Variants in HRC observed in about 807,000 individuals in gnomAD.
HRC encodes the protein sarcoplasmic reticulum histidine-rich calcium-binding protein.
In HRC, 41 loss-of-function variants were observed where a neutral mutation model predicts 61.4. The observed-to-expected ratio is 0.67, with a 90% CI of 0.52 to 0.87. HRC has a LOEUF of 0.87. Ranked by LOEUF, HRC falls within the 40% of genes least tolerant of loss-of-function variation. The pLI is 0.00. For synonymous variants in HRC, 308 were observed against 326.6 expected (o/e 0.94, Z 0.62); for missense variants, 839 against 885.8 (o/e 0.95, Z 0.67).
Position 49,151,581 on chromosome 19 carries a change from GA to G in HRC, c.2027-29del, listed in dbSNP as rs771812123. On this transcript the variant is annotated intron_variant, in intron 4 of 5. Coordinates refer to ENST00000252825, the MANE Select transcript of HRC (RefSeq NM_002152.3). ...GTGGGACAGCAGAGAAAAGAGGCTTGAGGGGTACTGCACGAGCAAAATTAGG... is the reference window on the plus strand; with the variant it reads ...GTGGGACAGCAGAGAAAAGAGGCTTGGGGGTACTGCACGAGCAAAATTAGG... 12 of 1,611,816 alleles carry G rather than the reference GA, an allele frequency of 7.4e-6. No individual in the cohort carries two copies. The African/African-American group carries it at 1.5e-4, about 20-fold the overall frequency.
Position 49,153,959 on chromosome 19 carries a change from C to T in HRC, c.1279G>A (p.Asp427Asn). 6.2e-7 allele frequency: 1 copy of T among 1,614,058 alleles called. No individual in the cohort carries two copies. Among genetic ancestry groups the T allele is most frequent in the Non-Finnish European group, 8.5e-7 (1 of 1,180,000 alleles). Residue 427 changes from aspartate to asparagine, a missense_variant, in exon 1 of 6, where the codon GAT becomes AAT. Transcript: ENST00000252825. The surrounding 1 kb of genome is among the most constrained non-coding windows in gnomAD (Gnocchi z 4.8). ...CCAAGCTCAGCAGAGACCTCCTCATCTTCCTCCCTGGGGACTCTGTGGTGG... is the reference window on the plus strand; with the variant it reads ...CCAAGCTCAGCAGAGACCTCCTCATTTTCCTCCCTGGGGACTCTGTGGTGG... ...HHHHRVPREE[D>N]EEVSAELGHQ...
chr19:49,153,159 C>G lies in HRC; in HGVS notation c.1902+102G>C. The G allele has an allele frequency of 1.2e-6, 1 of 831,510 alleles. No homozygotes were observed. 51.5% of individuals were successfully genotyped at this position (831,510 alleles called of 1,614,324 possible). A position where few individuals can be genotyped will look rare whatever the true frequency, so the allele number is the denominator to read the frequency against. ...GGATCTCTTTTCTTTCAGAACTGAC[C>G]CTGGCCTGCCCTTGCTCTGAGCCCT... On this transcript the variant is annotated intron_variant, in intron 2 of 5. Transcript: ENST00000252825. This position sits in a 1 kb window ranked among gnomAD's most constrained non-coding sequence, Gnocchi z 4.8.
In HRC at chr19:49,154,843, C is replaced by T. The variant is rs763236818; in HGVS notation, c.395G>A (p.Arg132His). Reference sequence around the variant, plus strand: ...TTCACTCCCGTGGCCTCTGTGCCCACGGGCCTGCCCACCATGCTCTGCAAA... The same window carrying T: ...TTCACTCCCGTGGCCTCTGTGCCCATGGGCCTGCCCACCATGCTCTGCAAA... ...EVFAEHGGQARGHRGHGSEDT... is the reference protein window; with the variant it reads ...EVFAEHGGQAHGHRGHGSEDT... The change falls in exon 1 of 6, where the codon CGT (arginine) becomes CAT (histidine). Residue 132 changes from arginine to histidine, a missense_variant. Arg to His is a conservative substitution (Grantham distance 29, BLOSUM62 0). Coordinates refer to ENST00000252825, the MANE Select transcript of HRC (RefSeq NM_002152.3). 7.4e-6 allele frequency: 12 copies of T among 1,613,968 alleles called. No individual in the cohort carries two copies. Among genetic ancestry groups the T allele is most frequent in the East Asian group, 2.2e-5 (1 of 44,886 alleles).
Position 49,151,245 on chromosome 19 carries a change from G to A in HRC, c.*51C>T, listed in dbSNP as rs927654870. The stretch of plus-strand genomic sequence containing the variant: ...GAGAAATAAATATAGCTCGTGGAAA[G>A]GGGTTGGAAGGCAGGGGGAGGTACA... On this transcript the variant is annotated 3_prime_UTR_variant, in exon 6 of 6. Transcript: ENST00000252825. 7.6e-6 allele frequency: 11 copies of A among 1,438,620 alleles called. No homozygotes were observed. Among genetic ancestry groups the A allele is most frequent in the Non-Finnish European group, 1.0e-5 (11 of 1,062,928 alleles). 89.1% of individuals were successfully genotyped at this position (1,438,620 alleles called of 1,614,324 possible).
rs758446600 is a variant in HRC at position 49,154,448 on chromosome 19, T to G, written c.790A>C (p.Ile264Leu). The change falls in exon 1 of 6, where the codon ATT (isoleucine) becomes CTT (leucine). Residue 264 changes from isoleucine (I) to leucine (L), a missense_variant. Transcript: ENST00000252825. ...DDDDDDDDVS[I>L]EYRHQAHRHQ... is the part of the protein sequence containing the mutation. ...CTGTGAGCCTGGTGTCTATATTCAATGGAGACATCATCATCATCATCATCA... is the reference window on the plus strand; with the variant it reads ...CTGTGAGCCTGGTGTCTATATTCAAGGGAGACATCATCATCATCATCATCA... The G allele has an allele frequency of 6.3e-7, 1 of 1,580,050 alleles. No individual in the cohort carries two copies. The highest frequency in any genetic ancestry group is 8.6e-7 in the Non-Finnish European group (1 of 1,159,088).
In HRC at chr19:49,154,058, G is replaced by A. The variant is rs1222748333; in HGVS notation, c.1180C>T (p.His394Tyr). The A allele has an allele frequency of 6.2e-7, 1 of 1,614,140 alleles. No individual in the cohort carries two copies. The highest frequency in any genetic ancestry group is 1.7e-5 in the Admixed American group (1 of 60,020). ...TVQFGHYVAS[H>Y]QPRGHKSDEE... ...TCACTCTTGTGGCCTCGAGGTTGGT[G>A]GCTTGCAACATAGTGGCCGAACTGG... The change falls in exon 1 of 6, where the codon CAC becomes TAC. Residue 394 changes from histidine to tyrosine, a missense_variant. Coordinates refer to ENST00000252825, the MANE Select transcript of HRC (RefSeq NM_002152.3).
chr19:49,152,594 G>C (rs963621942), intron 2 of HRC, among the ~76,000 whole-genome samples: 5 of 150,986 alleles, frequency 3.3e-5, no homozygotes, highest in Non-Finnish European at 5.9e-5. Context: ...TCTTGAGGCG[G>C]AGTCTCTCTC....
intron 3 of HRC, 97 bp from the exon 4 acceptor site, chr19:49,152,155 T>C: frequency 7.6e-7 from 1 of 1,311,750 alleles, no homozygotes; most frequent in Non-Finnish European, 1.1e-6. Flanking sequence ...AGGCTAGGTC[T>C]AGGTTAAGGT....
chr19:49,154,594 C>T lies in HRC; in HGVS notation c.644G>A (p.Arg215Lys). The T allele has an allele frequency of 6.2e-7, 1 of 1,604,340 alleles. No homozygotes were observed. The highest frequency in any genetic ancestry group is 8.5e-7 in the Non-Finnish European group (1 of 1,172,646). Residue 215 changes from arginine (R) to lysine (K), a missense_variant, in exon 1 of 6, where the codon AGG becomes AAG. Arg to Lys is a conservative substitution (Grantham distance 26, BLOSUM62 2). Coordinates refer to ENST00000252825, the MANE Select transcript of HRC (RefSeq NM_002152.3). The stretch of plus-strand genomic sequence containing the variant: ...CTCTTCACTCCCATGGCCTCGGTGC[C>T]TGTGGGCCTGGTGTCCATACTCAGT... ...ASTEYGHQAH[R>K]HRGHGSEEDE...
rs962282677 is a variant in HRC at position 49,153,791 on chromosome 19, C to T, written c.1447G>A (p.Glu483Lys). ...TCCTCTTCCTTCTCCTTTTCCTCCT[C>T]AGAATCATCCTTCCTCAAATGGCTT... is the stretch of plus-strand genomic sequence containing the variant. Reference protein sequence around the residue: ...DRSHLRKDDSEEEKEKEEDPG... With the variant: ...DRSHLRKDDSKEEKEKEEDPG... Residue 483 changes from glutamate to lysine, a missense_variant, in exon 1 of 6, where the codon GAG becomes AAG. By Grantham distance (56) the Glu-to-Lys change is moderately conservative (BLOSUM62 1). Transcript: ENST00000252825. This position sits in a 1 kb window ranked among gnomAD's most constrained non-coding sequence, Gnocchi z 4.8. 6 of 1,613,990 alleles carry T rather than the reference C, an allele frequency of 3.7e-6. No individual in the cohort carries two copies. The African/African-American group carries it at 6.7e-5, about 18-fold the overall frequency.
rs2041363990 is a variant in HRC at position 49,151,937 on chromosome 19, C to A, written c.2026+67G>T. The A allele has an allele frequency of 5.4e-6, 8 of 1,489,054 alleles. No individual in the cohort carries two copies. The South Asian group carries it at 9.1e-5, about 17-fold the overall frequency. 92.2% of individuals were successfully genotyped at this position (1,489,054 alleles called of 1,614,324 possible). A position where few individuals can be genotyped will look rare whatever the true frequency, so the allele number is the denominator to read the frequency against. On this transcript the variant is annotated intron_variant, in intron 4 of 5. Transcript: ENST00000252825. ...AGCCTACCGGGCCAGGCTCCGCCCCCACCAGGATTCACCACGCTGGGCCCG... is the reference window on the plus strand; with the variant it reads ...AGCCTACCGGGCCAGGCTCCGCCCCAACCAGGATTCACCACGCTGGGCCCG...
At chr19:49,152,631 G>A (rs1211120480) in intron 2 of HRC, among the ~76,000 whole-genome samples, 2 of 150,384 alleles carry the variant, frequency 1.3e-5, no homozygotes, top group Non-Finnish European at 3.0e-5. Flanking sequence ...GTGCAGTGGC[G>A]CAACCTCAGC....
chr19:49,153,958 T>C lies in HRC; in HGVS notation c.1280A>G (p.Asp427Gly). The C allele has an allele frequency of 6.2e-7, 1 of 1,613,988 alleles. No homozygotes were observed. The highest frequency in any genetic ancestry group is 8.5e-7 in the Non-Finnish European group (1 of 1,179,986). The change falls in exon 1 of 6, where the codon GAT (aspartate) becomes GGT (glycine). Residue 427 changes from aspartate to glycine, a missense_variant. Coordinates refer to ENST00000252825, the MANE Select transcript of HRC (RefSeq NM_002152.3). The surrounding 1 kb of genome is among the most constrained non-coding windows in gnomAD (Gnocchi z 4.8). The part of the protein sequence containing the change: ...HHHHRVPREE[D>G]EEVSAELGHQ... ...GCCAAGCTCAGCAGAGACCTCCTCA[T>C]CTTCCTCCCTGGGGACTCTGTGGTG...
chr19:49,152,988 C>G (rs1386096670), intron 2 of HRC, among the ~76,000 whole-genome samples: 1 of 152,084 alleles, frequency 6.6e-6, no homozygotes, highest in Non-Finnish European at 1.5e-5. Context: ...CCTGTGCCAT[C>G]CCTCCTTCCC....
chr19:49,154,701 C>T lies in HRC; in HGVS notation c.537G>A (p.Arg179=). Residue 179 remains arginine (R), a synonymous_variant, in exon 1 of 6, where the codon AGG becomes AGA. Transcript: ENST00000252825. ...VSSEHHHHIL[R]HGHRGHDGED... is the part of the protein sequence containing the mutation. ...CCCCATCATGGCCTCGGTGTCCATG[C>T]CTGAGGATATGATGGTGATGCTCAC... is the stretch of plus-strand genomic sequence containing the variant. 4 of 1,614,000 alleles carry T rather than the reference C, an allele frequency of 2.5e-6. No individual in the cohort carries two copies. Among genetic ancestry groups the T allele is most frequent in the Non-Finnish European group, 3.4e-6 (4 of 1,179,998 alleles).
Position 49,155,112 on chromosome 19 carries a change from G to A in HRC, c.126C>T (p.Asn42=), listed in dbSNP as rs1376971734. 1 of 1,614,130 alleles carries A rather than the reference G, an allele frequency of 6.2e-7. No individual in the cohort carries two copies. The highest frequency in any genetic ancestry group is 2.2e-5 in the East Asian group (1 of 44,872). ...CGGAGAGCCCGGCGACTCCAGTGCT[G>A]TTGTTCCGGTTTCTGAAGCCTAGCC... ...GDGLGFRNRN[N]STGVAGLSEE... Residue 42 remains asparagine (N), a synonymous_variant, in exon 1 of 6, where the codon AAC becomes AAT. Transcript: ENST00000252825. The surrounding 1 kb of genome is among the most constrained non-coding windows in gnomAD (Gnocchi z 4.7).
At position 49,153,170 on chromosome 19, in the gene HRC, C is replaced by G. The variant is rs933533682; in HGVS notation, c.1902+91G>C. The G allele has an allele frequency of 7.4e-6, 7 of 947,566 alleles. No individual in the cohort carries two copies. In the African/African-American group the frequency reaches 1.1e-4, roughly 15 times the overall value. The allele number at this position is 947,566 out of a possible 1,614,324, so 58.7% of individuals were successfully genotyped here. ...CTTTCAGAACTGACCCTGGCCTGCC[C>G]TTGCTCTGAGCCCTCCCACAGCACC... On this transcript the variant is annotated intron_variant, in intron 2 of 5. Transcript: ENST00000252825. The surrounding 1 kb of genome is among the most constrained non-coding windows in gnomAD (Gnocchi z 4.8).
Position 49,151,316 on chromosome 19 carries a change from G to A in HRC, c.2080C>T (p.Leu694=). The A allele has an allele frequency of 6.4e-7, 1 of 1,558,460 alleles. No individual in the cohort carries two copies. The highest frequency in any genetic ancestry group is 1.2e-5 in the South Asian group (1 of 84,844). The change falls in exon 6 of 6, where the codon CTG becomes TTG. Residue 694 remains leucine, a synonymous_variant. Coordinates refer to ENST00000252825, the MANE Select transcript of HRC (RefSeq NM_002152.3). ...CTGGGTCAGGGTTCCGGCGTTTCCA[G>A]CATGTCTGCCAGGGCCCTGGAGACG... The part of the protein sequence containing the change: ...SSLYQALADM[L]ETPEP
At chr19:49,151,487 C>T in intron 5 of HRC, 30 bp downstream of exon 5, 2 of 1,611,912 alleles carry the variant, frequency 1.2e-6, no homozygotes, top group African/African-American at 2.7e-5. Context: ...CTAAACGGGG[C>T]TTTTACACGC....
Sources: allele counts gnomAD v4.1 joint callset (sites outside exome capture counted in the v4.1 genomes callset), GRCh38; gene constraint gnomAD v4.1.1; non-coding constraint Gnocchi (gnomAD v3.1); transcripts MANE v1.5; gene names NCBI Gene and HGNC (gene_info 2026-07-23, HGNC 2026-07-21).